HDC: variants seen among roughly 807,000 people sequenced by gnomAD.
The protein encoded by HDC is histidine decarboxylase.
A neutral mutation model predicts 64.4 loss-of-function variants in HDC; 27 were observed. That is an observed-to-expected ratio of 0.42 (90% CI 0.31 to 0.58). The LOEUF (loss-of-function observed/expected upper bound fraction) is 0.58. Among genes scored for constraint, HDC ranks in the 20% least tolerant of loss-of-function variants. The pLI is 0.16. For missense variants in HDC, 711 were observed against 833.9 expected, an observed-to-expected ratio of 0.85 and a Z score of 1.81; for synonymous variants, 305 against 314.2, an observed-to-expected ratio of 0.97 and a Z score of 0.31.
At position 50,257,486 on chromosome 15, in the gene HDC, A is replaced by T. The variant is rs768488249; in HGVS notation, c.380T>A (p.Leu127Gln). 1 of 1,614,236 alleles carries T rather than the reference A, an allele frequency of 6.2e-7. No homozygotes were observed. The highest frequency in any genetic ancestry group is 1.1e-5 in the South Asian group (1 of 91,088). ...GTGCAAGAAGTGCTCTGGAAGTCCC[A>T]GCATTTTTGCCAACCAGTCCATGAC... Reference protein sequence around the residue: ...MNVMDWLAKMLGLPEHFLHHH... With the variant: ...MNVMDWLAKMQGLPEHFLHHH... The change falls in exon 4 of 12, where the codon CTG becomes CAG. Residue 127 changes from leucine (L) to glutamine (Q), a missense_variant. Physicochemically the swap from Leu to Gln is moderately radical, Grantham distance 113. This residue lies in a region of HDC where 225 missense variants were observed against 276.2 expected (regional missense o/e 0.81). Coordinates refer to ENST00000267845, the MANE Select transcript of HDC (RefSeq NM_002112.4).
At chr15:50,253,176 TG>T (rs1263450818) in intron 7 of HDC, 2 of 376,870 alleles carry the variant, frequency 5.3e-6, no homozygotes, top group Non-Finnish European at 1.0e-5. Flanking sequence ...CAGTCCCATC[TG>T]GGTTTCCTCT....
At chr15:50,258,182 G>A (rs977978874) in intron 3 of HDC, among the ~76,000 whole-genome samples, 8 of 152,144 alleles carry the variant, frequency 5.3e-5, no homozygotes, top group African/African-American at 1.9e-4. Flanking sequence ...AGTTGCTTAA[G>A]CCTCGATTTC....
chr15:50,244,989 TG>T (rs750529037), intron 10 of HDC: 11 of 152,222 alleles, frequency 7.2e-5, no homozygotes, highest in Non-Finnish European at 1.0e-4. Flanking sequence ...AAGGTACAAG[TG>T]ACAGTAGGTA....
chr15:50,247,949 T>C (rs896260434), intron 10 of HDC, among the ~76,000 whole-genome samples: 16 of 147,382 alleles, frequency 1.1e-4, no homozygotes, highest in African/African-American at 3.9e-4. Context: ...ACTTTCTCTT[T>C]CTCTTTCCTG....
chr15:50,264,430 T>G (rs1310209946), intron 1 of HDC, among the ~76,000 whole-genome samples: 1 of 151,934 alleles, frequency 6.6e-6, no homozygotes, highest in Non-Finnish European at 1.5e-5. Context: ...CATCAACACC[T>G]CAGTGCTTAG....
At position 50,254,538 on chromosome 15, in the gene HDC, A is replaced by C. The variant is rs1188561492; in HGVS notation, c.568T>G (p.Ser190Ala). The C allele has an allele frequency of 1.2e-6, 2 of 1,614,130 alleles. No individual in the cohort carries two copies. The highest frequency in any genetic ancestry group is 2.7e-5 in the African/African-American group (2 of 74,956). The change falls in exon 5 of 12, where the codon TCT (serine) becomes GCT (alanine). Residue 190 changes from serine (S) to alanine (A), a missense_variant. Physicochemically the swap from Ser to Ala is moderately conservative, Grantham distance 99. Transcript: ENST00000267845. Reference sequence around the variant, plus strand: ...TGCGTCGGGCAACTCACCTGGTCAGAGGCATAGGCCACGAGTCGGGCATTT... The same window carrying C: ...TGCGTCGGGCAACTCACCTGGTCAGCGGCATAGGCCACGAGTCGGGCATTT... ...CLNARLVAYA[S>A]DQAHSSVEKA...
At chr15:50,260,458 T>C (rs901448125) in intron 2 of HDC, among the ~76,000 whole-genome samples, 2 of 152,186 alleles carry the variant, frequency 1.3e-5, no homozygotes, top group African/African-American at 2.4e-5. Flanking sequence ...AGGGTTGTTG[T>C]GTGGGTGGAG....
intron 6 of HDC, 93 bp downstream of exon 6, chr15:50,254,037 G>T: frequency 7.5e-7 from 1 of 1,332,478 alleles, no homozygotes; most frequent in Non-Finnish European, 1.1e-6. Context: ...TTCTGCTTTT[G>T]TGTGCAGCAT....
At chr15:50,260,853 T>A (rs972258221) in intron 2 of HDC, among the ~76,000 whole-genome samples, 1 of 151,858 alleles carries the variant, frequency 6.6e-6, no homozygotes, top group African/African-American at 2.4e-5. Flanking sequence ...CTCTCTCTCA[T>A]GAAAAGTAAA....
chr15:50,254,705 C>A (rs1271666918), intron 4 of HDC, 41 bp from the exon 5 acceptor site: 1 of 1,609,580 alleles, frequency 6.2e-7, no homozygotes, highest in East Asian at 2.2e-5. Flanking sequence ...TTTCTGTATT[C>A]TCTTGCCAAA....
At position 50,242,965 on chromosome 15, in the gene HDC, AG is replaced by A. The variant is rs2045423231; in HGVS notation, c.1283del (p.Ala428ValfsTer17). 6.2e-7 allele frequency: 1 copy of A among 1,614,030 alleles called. No homozygotes were observed. Among genetic ancestry groups the A allele is most frequent in the African/African-American group, 1.3e-5 (1 of 75,026 alleles). ...GGATGAGGAAGAGACGGCCAGCTTTAGCTATTTCCTTTAACACATTTTCTGT... is the reference window on the plus strand; with the variant it reads ...GGATGAGGAAGAGACGGCCAGCTTTACTATTTCCTTTAACACATTTTCTGT... ...CLTENVLKEI[A>X]KAGRLFLIPA... On this transcript the variant is annotated frameshift_variant, in exon 12 of 12. Transcript: ENST00000267845. LOFTEE classifies it high-confidence loss of function.
intron 10 of HDC, among the ~76,000 whole-genome samples, chr15:50,244,285 CTTTTTTTTTTTT>C (rs554623599): frequency 0.031 from 3,239 of 105,248 alleles, 158 homozygotes; most frequent in African/African-American, 0.11. Flanking sequence ...AGCTGAACCT[CTTTTTTTTTTTT>C]TTTTTTTTTT....
chr15:50,242,376 G>A lies in HDC; in HGVS notation c.1873C>T (p.Leu625=), dbSNP rs1410119609. Residue 625 remains leucine (L), a synonymous_variant, in exon 12 of 12, where the codon CTG becomes TTG. Coordinates refer to ENST00000267845, the MANE Select transcript of HDC (RefSeq NM_002112.4). ...AGTTTTTTGAAGGCACTTTTCTTCA[G>A]CATCATCATGTCTTCTGGAAACCTG... ...FSRFPEDMMM[L]KKSAFKKLIK... 1 of 1,614,168 alleles carries A rather than the reference G, an allele frequency of 6.2e-7. No homozygotes were observed. Among genetic ancestry groups the A allele is most frequent in the Non-Finnish European group, 8.5e-7 (1 of 1,180,016 alleles).
At chr15:50,243,292 G>T in intron 10 of HDC, 48 bp from the exon 11 acceptor site, 1 of 1,236,476 alleles carries the variant, frequency 8.1e-7, no homozygotes, top group South Asian at 1.2e-5. Context: ...TCAGACAAGA[G>T]ACTATGCATA....
chr15:50,252,372 G>A (rs755563321), intron 9 of HDC, 58 bp downstream of exon 9: 8 of 1,365,998 alleles, frequency 5.9e-6, no homozygotes, highest in African/African-American at 2.9e-5. Flanking sequence ...GGGGTCAGAC[G>A]CCTACAGTTC....
At chr15:50,264,500 G>GA (rs529945648) in intron 1 of HDC, among the ~76,000 whole-genome samples, 3 of 151,926 alleles carry the variant, frequency 2.0e-5, no homozygotes, top group Admixed American at 6.6e-5. Flanking sequence ...AGTAAGGAAG[G>GA]AAAAAAAAGT....
chr15:50,261,712 CTTT>C (rs140597386), intron 2 of HDC, among the ~76,000 whole-genome samples: 2 of 140,288 alleles, frequency 1.4e-5, no homozygotes. Context: ...ATTTTTGTCA[CTTT>C]TTTTTTTTTT....
At chr15:50,243,766 C>T (rs2045437402) in intron 10 of HDC, among the ~76,000 whole-genome samples, 1 of 152,234 alleles carries the variant, frequency 6.6e-6, no homozygotes, top group Admixed American at 6.5e-5. Context: ...TCTTCTCACC[C>T]TGTACCCCAA....
chr15:50,245,144 C>G (rs1191377289), intron 10 of HDC, among the ~76,000 whole-genome samples: 1 of 152,258 alleles, frequency 6.6e-6, no homozygotes, highest in Admixed American at 6.5e-5. Context: ...GAAAGCAGAG[C>G]TGCTGCCAGT....
Sources: allele counts gnomAD v4.1 joint callset (sites outside exome capture counted in the v4.1 genomes callset), GRCh38; gene constraint gnomAD v4.1.1; regional missense constraint gnomAD v4.1.1; transcripts MANE v1.5; gene names NCBI Gene and HGNC (gene_info 2026-07-23, HGNC 2026-07-21).